Variants in SETD2 observed in about 807,000 individuals in gnomAD.
The protein encoded by SETD2 is SET domain containing 2, histone lysine methyltransferase, also known as histone-lysine N-methyltransferase SETD2.
In SETD2, 31 loss-of-function variants were observed where a neutral mutation model predicts 242.1. The ratio of observed to expected loss-of-function variants is 0.13; its 90% confidence interval spans 0.10 to 0.17. The LOEUF (loss-of-function observed/expected upper bound fraction) is 0.17, where lower values mean the gene tolerates loss of function less well. Ranked by LOEUF, SETD2 falls within the 10% of genes least tolerant of loss-of-function variation. The pLI is 1.00. For synonymous variants in SETD2, 1,006 were observed against 1,066.5 expected, an observed-to-expected ratio of 0.94 and a Z score of 1.11; for missense variants, 2,481 against 3,046.3, an observed-to-expected ratio of 0.81 and a Z score of 4.37.
intron 17 of SETD2, among the ~76,000 whole-genome samples, chr3:47,039,924 T>G (rs542101314): frequency 4.0e-5 from 6 of 151,176 alleles, no homozygotes; most frequent in Admixed American, 3.3e-4. Flanking sequence ...CCACACGTGG[T>G]TTTTAAAATC....
At chr3:47,104,223 T>TAA (rs767312095) in intron 6 of SETD2, among the ~76,000 whole-genome samples, 3 of 136,520 alleles carry the variant, frequency 2.2e-5, no homozygotes, top group East Asian at 2.1e-4. Context: ...CTCTTTTCAC[T>TAA]AAAAAAAAAA....
chr3:47,059,862 C>T (rs867971909), intron 14 of SETD2, among the ~76,000 whole-genome samples: 1 of 152,188 alleles, frequency 6.6e-6, no homozygotes, highest in African/African-American at 2.4e-5. Flanking sequence ...CACCTCACTG[C>T]AACCTCTGCC....
chr3:47,126,504 TA>T (rs2043333786), intron 2 of SETD2, 143 bp downstream of exon 2: 1 of 491,968 alleles, frequency 2.0e-6, no homozygotes, highest in African/African-American at 1.9e-5. Flanking sequence ...ACCATGGCTC[TA>T]AAAACAAAAT....
intron 9 of SETD2, among the ~76,000 whole-genome samples, chr3:47,095,544 T>G (rs1320382932): frequency 6.6e-6 from 1 of 152,098 alleles, no homozygotes; most frequent in Non-Finnish European, 1.5e-5. Flanking sequence ...ACAAAAGCAA[T>G]CTAATGGAGT....
At chr3:47,044,124 C>T (rs1469935474) in intron 16 of SETD2, among the ~76,000 whole-genome samples, 4 of 151,846 alleles carry the variant, frequency 2.6e-5, no homozygotes, top group Middle Eastern at 3.4e-3. Context: ...AGGTGGATCA[C>T]GAGGTCAGGA....
rs1376093344 is a variant in SETD2 at position 47,058,464 on chromosome 3, ACAC to A, written c.6294-977_6294-975del. Among the ~76,000 whole-genome samples, 7 of 83,150 alleles carry A rather than the reference ACAC, an allele frequency of 8.4e-5. No homozygotes were observed. In the East Asian group the frequency reaches 1.3e-3, roughly 15 times the overall value. 54.5% of individuals were successfully genotyped at this position (83,150 alleles called of 152,430 possible). On this transcript the variant is annotated intron_variant, in intron 14 of 20. Coordinates refer to ENST00000409792, the MANE Select transcript of SETD2 (RefSeq NM_014159.7). ...TCAAAAAAAAAAAAAAAAAAAAAAA[ACAC>A]AAAGAGGGAGAATATTCACATAAGA...
rs2107744887 is a variant in SETD2, at chr3:47,120,697, A to T, written c.3939T>A (p.Pro1313=). The change falls in exon 3 of 21, where the codon CCT becomes CCA. Residue 1313 remains proline, a synonymous_variant. Transcript: ENST00000409792. ...GATCATACACAACCCCAGTTCCAGG[A>T]GGTCTACCTGATCTTGGATCCCAGT... ...NGYWDPRSGR[P]PGTGVVYDRT... 6.2e-7 allele frequency: 1 copy of T among 1,614,148 alleles called. No homozygotes were observed. Among genetic ancestry groups the T allele is most frequent in the Non-Finnish European group, 8.5e-7 (1 of 1,180,018 alleles).
At chr3:47,154,136 C>T (rs756853420) in intron 1 of SETD2, among the ~76,000 whole-genome samples, 2 of 152,138 alleles carry the variant, frequency 1.3e-5, no homozygotes, top group African/African-American at 2.4e-5. Flanking sequence ...CTTGGCCAGG[C>T]GCGATGGCTC....
chr3:47,151,041 T>G (rs1284875895), intron 1 of SETD2, among the ~76,000 whole-genome samples: 1 of 152,038 alleles, frequency 6.6e-6, no homozygotes, highest in African/African-American at 2.4e-5. Context: ...AAGAATCAGG[T>G]CAATTCAAAC....
At chr3:47,163,289 C>T (rs1055608538) in intron 1 of SETD2, 1 of 152,328 alleles carries the variant, frequency 6.6e-6, no homozygotes, top group Non-Finnish European at 1.5e-5. Flanking sequence ...AAATCAAACT[C>T]AGGAGTGCAG....
rs895316678 is a variant in SETD2, at chr3:47,077,238, C to A, written c.6060+6482G>T. Among the ~76,000 whole-genome samples, 5 of 152,120 alleles carry A rather than the reference C, an allele frequency of 3.3e-5. No individual in the cohort carries two copies. The East Asian group carries it at 5.8e-4, about 18-fold the overall frequency. On this transcript the variant is annotated intron_variant, in intron 12 of 20. Coordinates refer to ENST00000409792, the MANE Select transcript of SETD2 (RefSeq NM_014159.7). Reference sequence around the variant, plus strand: ...TAGCTGGGATTACAGGCACTGCCATCGTGCCCGGCTAATTTTTGTATTTTT... The same window carrying A: ...TAGCTGGGATTACAGGCACTGCCATAGTGCCCGGCTAATTTTTGTATTTTT...
intron 1 of SETD2, chr3:47,145,452 T>C (rs561164440): frequency 4.7e-4 from 188 of 402,142 alleles, no homozygotes; most frequent in African/African-American, 3.5e-3. Flanking sequence ...GCAAGTACAG[T>C]AGTACAATCC....
chr3:47,095,487 T>C (rs2041972047), intron 9 of SETD2, among the ~76,000 whole-genome samples: 1 of 152,184 alleles, frequency 6.6e-6, no homozygotes, highest in South Asian at 2.1e-4. Flanking sequence ...ATAACTACTT[T>C]GTGGTTGCTC....
In SETD2 at chr3:47,151,688, G is replaced by A. The variant is rs149897177; in HGVS notation, c.71+12166C>T. ...GCTAAAACACAAAAATTAGCCGGGC[G>A]TGGTGGTACGCGCCTGTAATCCCAC... On this transcript the variant is annotated intron_variant, in intron 1 of 20. Coordinates refer to ENST00000409792, the MANE Select transcript of SETD2 (RefSeq NM_014159.7). 2.6e-3 allele frequency among the ~76,000 whole-genome samples: 400 copies of A among 152,070 alleles called. 1 individual carries two copies. Among genetic ancestry groups the A allele is most frequent in the African/African-American group, 4.5e-3 (188 of 41,434 alleles).
chr3:47,066,871 G>C (rs73079603), intron 13 of SETD2, 199 bp downstream of exon 13: 2 of 481,748 alleles, frequency 4.2e-6, no homozygotes. Flanking sequence ...ACAAAACAGT[G>C]TAAGAGACAT....
intron 1 of SETD2, among the ~76,000 whole-genome samples, chr3:47,132,520 G>A (rs1260732614): frequency 1.3e-5 from 2 of 152,086 alleles, no homozygotes; most frequent in East Asian, 3.9e-4. Context: ...TCACTGTACA[G>A]GACACTTAAG....
Position 47,123,239 on chromosome 3 carries a change from T to C in SETD2, c.1397A>G (p.Lys466Arg). The C allele has an allele frequency of 6.4e-7, 1 of 1,556,820 alleles. No individual in the cohort carries two copies. Among genetic ancestry groups the C allele is most frequent in the Non-Finnish European group, 8.7e-7 (1 of 1,148,890 alleles). The change falls in exon 3 of 21, where the codon AAG (lysine) becomes AGG (arginine). Residue 466 changes from lysine (K) to arginine (R), a missense_variant. This residue lies in a region of SETD2 where 1,300 missense variants were observed against 1,259.2 expected (regional missense o/e 1.03). Coordinates refer to ENST00000409792, the MANE Select transcript of SETD2 (RefSeq NM_014159.7). ...TGAGGTACGCCTTGAGTATGTCTTC[T>C]TATACTCTTCTTCTGAGTCAGAACT... ...RESSDSEEEY[K>R]KTYSRRTSSH... is the part of the protein sequence containing the mutation.
chr3:47,024,713 A>C (rs62246398), intron 18 of SETD2, among the ~76,000 whole-genome samples: 53,199 of 152,094 alleles, frequency 0.35, 9,756 homozygotes, highest in Middle Eastern at 0.49. Context: ...AAATACTCTA[A>C]AACTACTATT....
chr3:47,105,028 GT>G (rs2042355447), intron 6 of SETD2, among the ~76,000 whole-genome samples: 1 of 152,120 alleles, frequency 6.6e-6, no homozygotes, highest in African/African-American at 2.4e-5. Flanking sequence ...CCCTAATGTG[GT>G]TTTAAACAGA....
Sources: allele counts gnomAD v4.1 joint callset (sites outside exome capture counted in the v4.1 genomes callset), GRCh38; gene constraint gnomAD v4.1.1; regional missense constraint gnomAD v4.1.1; transcripts MANE v1.5; gene names NCBI Gene and HGNC (gene_info 2026-07-23, HGNC 2026-07-21).